RMI2: variants seen among roughly 807,000 people sequenced by gnomAD.
The protein encoded by RMI2 is RecQ mediated genome instability 2.
Under a neutral mutation model 8.4 loss-of-function variants are expected in RMI2, and 11 were observed. The ratio of observed to expected loss-of-function variants is 1.32; its 90% CI spans 0.83 to 2.18. The LOEUF (loss-of-function observed/expected upper bound fraction) is 2.18, where lower values mean the gene tolerates loss of function less well. Among genes scored for constraint, RMI2 ranks in the 30% most tolerant of loss-of-function variants. RMI2 has a pLI of 0.00. For synonymous variants in RMI2, 105 were observed against 93.8 expected (o/e 1.12, Z -0.69); for missense variants, 253 against 207.5 (o/e 1.22, Z -1.35).
At chr16:11,347,731 CCTCTT>C (rs958193211) in intron 1 of RMI2, among the ~76,000 whole-genome samples, 1 of 152,112 alleles carries the variant, frequency 6.6e-6, no homozygotes, top group African/African-American at 2.4e-5. Context: ...CTACAGGCCT[CCTCTT>C]TTCATGTGTC....
Position 11,345,604 on chromosome 16 carries a change from C to G in RMI2, c.133C>G (p.Arg45Gly), listed in dbSNP as rs1372071336. ...CGGCCCGGGCGCGTGGCGGCTGTCA[C>G]GGGCGGCGGCGGGCCGCGGGCCGCT... is the stretch of plus-strand genomic sequence containing the variant. ...EGGPGAWRLS[R>G]AAAGRGPLDL... Residue 45 changes from arginine to glycine, a missense_variant, in exon 1 of 2, where the codon CGG (arginine) becomes GGG (glycine). Coordinates refer to ENST00000312499, the MANE Select transcript of RMI2 (RefSeq NM_152308.3). The G allele has an allele frequency of 1.1e-5, 13 of 1,223,482 alleles. No individual in the cohort carries two copies. Among genetic ancestry groups the G allele is most frequent in the Non-Finnish European group, 1.3e-5 (13 of 983,164 alleles). The allele number at this position is 1,223,482 out of a possible 1,614,324, so 75.8% of individuals were successfully genotyped here.
chr16:11,345,949 G>C (rs1172321200), intron 1 of RMI2, among the ~76,000 whole-genome samples, 183 bp downstream of exon 1: 1 of 150,998 alleles, frequency 6.6e-6, no homozygotes, highest in African/African-American at 2.4e-5. Context: ...TGGTGAAGTT[G>C]ATCTGATGAT....
intron 1 of RMI2, chr16:11,348,773 G>A (rs1270450600): frequency 1.3e-5 from 2 of 152,472 alleles, no homozygotes; most frequent in Non-Finnish European, 2.9e-5. Flanking sequence ...CCTGGGACGT[G>A]GGACTTTCAG....
chr16:11,349,622 C>T lies in RMI2; in HGVS notation c.296-1020C>T, dbSNP rs1006668465. ...AACTAGCCTCTGTCACGGAGGGACC[C>T]AGGTGGAATGTGGGGTTGGAGTTCT... is the stretch of plus-strand genomic sequence containing the variant. On this transcript the variant is annotated intron_variant, in intron 1 of 1. Transcript: ENST00000312499. This position sits in a 1 kb window ranked among gnomAD's most constrained non-coding sequence, Gnocchi z 4.2. Among the ~76,000 whole-genome samples the T allele has an allele frequency of 6.6e-6, 1 of 152,126 alleles. No homozygotes were observed. Among genetic ancestry groups the T allele is most frequent in the Non-Finnish European group, 1.5e-5 (1 of 68,034 alleles).
rs1036757843 is a variant in RMI2, at chr16:11,349,530, C to A, written c.296-1112C>A. Reference sequence around the variant, plus strand: ...TCTTCGTGGGCCTTCAGTCATTCTACTTCTGTGTGTTCCAACCCTACCAGC... The same window carrying A: ...TCTTCGTGGGCCTTCAGTCATTCTAATTCTGTGTGTTCCAACCCTACCAGC... On this transcript the variant is annotated intron_variant, in intron 1 of 1. Transcript: ENST00000312499. This position sits in a 1 kb window ranked among gnomAD's most constrained non-coding sequence, Gnocchi z 4.2. Among the ~76,000 whole-genome samples the A allele has an allele frequency of 2.0e-5, 3 of 152,232 alleles. No homozygotes were observed. Among genetic ancestry groups the A allele is most frequent in the African/African-American group, 7.2e-5 (3 of 41,462 alleles).
rs2070848922 is a variant in RMI2 at position 11,345,551 on chromosome 16, C to T, written c.80C>T (p.Ala27Val). 2.4e-6 allele frequency: 3 copies of T among 1,245,662 alleles called. No individual in the cohort carries two copies. Among genetic ancestry groups the T allele is most frequent in the African/African-American group, 1.6e-5 (1 of 64,380 alleles). The allele number at this position is 1,245,662 out of a possible 1,614,324, so 77.2% of individuals were successfully genotyped here. Reference sequence around the variant, plus strand: ...AGGTCGCCGCCACTCAAGGTGCTGGCGGAGCAGCTGCGGCGCGACGCGGAG... The same window carrying T: ...AGGTCGCCGCCACTCAAGGTGCTGGTGGAGCAGCTGCGGCGCGACGCGGAG... ...LPRSPPLKVL[A>V]EQLRRDAEGG... is the part of the protein sequence containing the mutation. The change falls in exon 1 of 2, where the codon GCG (alanine) becomes GTG (valine). Residue 27 changes from alanine to valine, a missense_variant. Transcript: ENST00000312499.
At chr16:11,350,056 A>G (rs1322845344) in intron 1 of RMI2, among the ~76,000 whole-genome samples, 1 of 152,152 alleles carries the variant, frequency 6.6e-6, no homozygotes, top group Non-Finnish European at 1.5e-5. Flanking sequence ...TGTGGAGGGA[A>G]AATTGGATTG....
intron 1 of RMI2, among the ~76,000 whole-genome samples, chr16:11,346,883 G>A (rs1479314501): frequency 1.3e-5 from 2 of 152,182 alleles, no homozygotes; most frequent in African/African-American, 4.8e-5. Flanking sequence ...GTACCACCAC[G>A]CCTGGTTTGG....
In RMI2 at chr16:11,350,997, G is replaced by C; in HGVS notation, c.*207G>C. On this transcript the variant is annotated 3_prime_UTR_variant, in exon 2 of 2. Coordinates refer to ENST00000312499, the MANE Select transcript of RMI2 (RefSeq NM_152308.3). ...CACAGCCTCTGCTGCCCCTTGCTTT[G>C]CCTGTGTTTGCTGATGAAAAGCAGA... 1 of 410,832 alleles carries C rather than the reference G, an allele frequency of 2.4e-6. No homozygotes were observed. Among genetic ancestry groups the C allele is most frequent in the Non-Finnish European group, 4.3e-6 (1 of 231,864 alleles). The allele number at this position is 410,832 out of a possible 1,614,324, so 25.4% of individuals were successfully genotyped here. A position where few individuals can be genotyped will look rare whatever the true frequency, so the allele number is the denominator to read the frequency against.
In RMI2 at chr16:11,345,753, C is replaced by G. The variant is rs2070853352; in HGVS notation, c.282C>G (p.Pro94=). The G allele has an allele frequency of 8.1e-7, 1 of 1,239,184 alleles. No homozygotes were observed. 76.8% of individuals were successfully genotyped at this position (1,239,184 alleles called of 1,614,324 possible). Residue 94 remains proline, a synonymous_variant, in exon 1 of 2, where the codon CCC becomes CCG. Coordinates refer to ENST00000312499, the MANE Select transcript of RMI2 (RefSeq NM_152308.3). ...TGGAGCGGGTGCCGCGCGGGCGGCC[C>G]TGTCTAGTCCCAGGTAATGCCCGGG... ...RGLERVPRGR[P]CLVPGKYVMV... is the part of the protein sequence containing the mutation.
rs549942260 is a variant in RMI2, at chr16:11,349,596, G to A, written c.296-1046G>A. On this transcript the variant is annotated intron_variant, in intron 1 of 1. Coordinates refer to ENST00000312499, the MANE Select transcript of RMI2 (RefSeq NM_152308.3). The surrounding 1 kb of genome is among the most constrained non-coding windows in gnomAD (Gnocchi z 4.2). ...AGAGGGGATGGCAAGTGCATTTTCA[G>A]AACTAGCCTCTGTCACGGAGGGACC... is the stretch of plus-strand genomic sequence containing the variant. Among the ~76,000 whole-genome samples, 1 of 152,290 alleles carries A rather than the reference G, an allele frequency of 6.6e-6. No individual in the cohort carries two copies. Among genetic ancestry groups the A allele is most frequent in the African/African-American group, 2.4e-5 (1 of 41,552 alleles).
rs1398893655 is a variant in RMI2, at chr16:11,345,762, C to A, written c.291C>A (p.Val97=). 4 of 1,237,470 alleles carry A rather than the reference C, an allele frequency of 3.2e-6. No homozygotes were observed. The highest frequency in any genetic ancestry group is 4.0e-5 in the South Asian group (1 of 24,952). The allele number at this position is 1,237,470 out of a possible 1,614,324, so 76.7% of individuals were successfully genotyped here. The change falls in exon 1 of 2, where the codon GTC becomes GTA. Residue 97 remains valine (V), a synonymous_variant. Coordinates refer to ENST00000312499, the MANE Select transcript of RMI2 (RefSeq NM_152308.3). The part of the protein sequence containing the change: ...ERVPRGRPCL[V]PGKYVMVMGV... The stretch of plus-strand genomic sequence containing the variant: ...TGCCGCGCGGGCGGCCCTGTCTAGT[C>A]CCAGGTAATGCCCGGGCCTTACCGG...
rs762191249 is a variant in RMI2 at position 11,350,713 on chromosome 16, A to G, written c.367A>G (p.Thr123Ala). The change falls in exon 2 of 2, where the codon ACA (threonine) becomes GCA (alanine). Residue 123 changes from threonine (T) to alanine (A), a missense_variant. Thr to Ala is a moderately conservative substitution (Grantham distance 58, BLOSUM62 0). Transcript: ENST00000312499. ...PEPCLQAVKM[T>A]DLSDNPIHES... Reference sequence around the variant, plus strand: ...GCCCTGCCTGCAGGCTGTGAAGATGACAGACCTTTCTGATAATCCCATCCA... The same window carrying G: ...GCCCTGCCTGCAGGCTGTGAAGATGGCAGACCTTTCTGATAATCCCATCCA... The G allele has an allele frequency of 6.2e-7, 1 of 1,613,636 alleles. No homozygotes were observed. The highest frequency in any genetic ancestry group is 8.5e-7 in the Non-Finnish European group (1 of 1,179,632).
chr16:11,347,950 T>C (rs1307046299), intron 1 of RMI2, among the ~76,000 whole-genome samples: 3 of 152,022 alleles, frequency 2.0e-5, no homozygotes, highest in African/African-American at 7.2e-5. Flanking sequence ...CCGGCTAATT[T>C]TTGTAGTTCT....
At position 11,345,533 on chromosome 16, in the gene RMI2, C is replaced by A. The variant is rs1285675297; in HGVS notation, c.62C>A (p.Pro21Gln). 2 of 1,286,710 alleles carry A rather than the reference C, an allele frequency of 1.6e-6. No homozygotes were observed. Among genetic ancestry groups the A allele is most frequent in the Non-Finnish European group, 2.0e-6 (2 of 1,014,074 alleles). The allele number at this position is 1,286,710 out of a possible 1,614,324, so 79.7% of individuals were successfully genotyped here. A position where few individuals can be genotyped will look rare whatever the true frequency, so the allele number is the denominator to read the frequency against. Residue 21 changes from proline to glutamine, a missense_variant, in exon 1 of 2, where the codon CCG becomes CAG. By Grantham distance (76) the Pro-to-Gln change is moderately conservative. Coordinates refer to ENST00000312499, the MANE Select transcript of RMI2 (RefSeq NM_152308.3). ...GCGGGGGTGCGGCTTCCGAGGTCGCCGCCACTCAAGGTGCTGGCGGAGCAG... is the reference window on the plus strand; with the variant it reads ...GCGGGGGTGCGGCTTCCGAGGTCGCAGCCACTCAAGGTGCTGGCGGAGCAG... ...GPAGVRLPRS[P>Q]PLKVLAEQLR... is the part of the protein sequence containing the mutation.
In RMI2 at chr16:11,349,994, C is replaced by T. The variant is rs1190134733; in HGVS notation, c.296-648C>T. On this transcript the variant is annotated intron_variant, in intron 1 of 1. Coordinates refer to ENST00000312499, the MANE Select transcript of RMI2 (RefSeq NM_152308.3). This position sits in a 1 kb window ranked among gnomAD's most constrained non-coding sequence, Gnocchi z 4.2. Reference sequence around the variant, plus strand: ...CTGGAGGAGGTGGCAGGGATAGGTCCCAGCAGTTGGAACAATGGGGCGGGG... The same window carrying T: ...CTGGAGGAGGTGGCAGGGATAGGTCTCAGCAGTTGGAACAATGGGGCGGGG... 6.6e-6 allele frequency among the ~76,000 whole-genome samples: 1 copy of T among 152,154 alleles called. No individual in the cohort carries two copies. Among genetic ancestry groups the T allele is most frequent in the Non-Finnish European group, 1.5e-5 (1 of 68,014 alleles).
In RMI2 at chr16:11,345,658, A is replaced by G; in HGVS notation, c.187A>G (p.Arg63Gly). The change falls in exon 1 of 2, where the codon AGG becomes GGG. Residue 63 changes from arginine (R) to glycine (G), a missense_variant. Transcript: ENST00000312499. ...LDLAAVWMQG[R>G]VVMADRGEAR... ...CCTGGCGGCCGTGTGGATGCAGGGCAGGGTAGTGATGGCGGACCGCGGCGA... is the reference window on the plus strand; with the variant it reads ...CCTGGCGGCCGTGTGGATGCAGGGCGGGGTAGTGATGGCGGACCGCGGCGA... The G allele has an allele frequency of 7.9e-7, 1 of 1,269,904 alleles. No individual in the cohort carries two copies. Among genetic ancestry groups the G allele is most frequent in the African/African-American group, 1.5e-5 (1 of 65,742 alleles). 78.7% of individuals were successfully genotyped at this position (1,269,904 alleles called of 1,614,324 possible). A position where few individuals can be genotyped will look rare whatever the true frequency, so the allele number is the denominator to read the frequency against.
Sources: gnomAD v4.1 joint callset for allele counts (sites outside exome capture counted in the v4.1 genomes callset) on GRCh38, gnomAD v4.1.1 for gene constraint, Gnocchi (gnomAD v3.1) non-coding constraint, MANE v1.5 for transcripts, NCBI Gene and HGNC (gene_info 2026-07-23, HGNC 2026-07-21) for gene names.